TRABD2B: variants seen among roughly 807,000 people sequenced by gnomAD.
TRABD2B encodes the protein metalloprotease TIKI2.
Under a neutral mutation model 40.1 loss-of-function variants are expected in TRABD2B, and 14 were observed. The observed-to-expected ratio is 0.35, with a 90% CI of 0.23 to 0.55. TRABD2B has a LOEUF of 0.55. Ranked by LOEUF, TRABD2B falls within the 20% of genes least tolerant of loss-of-function variation. The probability of loss-of-function intolerance (pLI) is 0.90; values close to 1 mark genes in which losing one functional copy is unlikely to be tolerated. For synonymous variants in TRABD2B, 263 were observed against 277.0 expected (o/e 0.95, Z 0.50); for missense variants, 541 against 648.6 (o/e 0.83, Z 1.80).
At chr1:47,828,730 T>A (rs1645210114) in intron 2 of TRABD2B, among the ~76,000 whole-genome samples, 1 of 152,120 alleles carries the variant, frequency 6.6e-6, no homozygotes, top group Non-Finnish European at 1.5e-5. Flanking sequence ...TGGACTGAAT[T>A]TAACCCAATA....
intron 4 of TRABD2B, among the ~76,000 whole-genome samples, chr1:47,788,891 A>G (rs1264947921): frequency 6.6e-6 from 1 of 152,160 alleles, no homozygotes; most frequent in Non-Finnish European, 1.5e-5. Context: ...TCTAATTCCT[A>G]CATTACTCAT....
intron 2 of TRABD2B, among the ~76,000 whole-genome samples, chr1:47,806,879 A>G (rs1413178683): frequency 1.3e-5 from 2 of 152,184 alleles, no homozygotes; most frequent in Admixed American, 1.3e-4. Context: ...AAGAGGGTTT[A>G]GAGTCAGGGT....
In TRABD2B at chr1:47,761,246, C is replaced by G. The variant is rs968312511; in HGVS notation, c.*4656G>C. ...TCTCCGGAAAGGAAGAGCCCAGCTC[C>G]CACTTGGAGAAAGGGTGAGGATAGC... is the stretch of plus-strand genomic sequence containing the variant. On this transcript the variant is annotated 3_prime_UTR_variant, in exon 7 of 7. Coordinates refer to ENST00000606738, the MANE Select transcript of TRABD2B (RefSeq NM_001194986.2). The G allele has an allele frequency of 6.6e-6, 1 of 152,292 alleles. No individual in the cohort carries two copies. The highest frequency in any genetic ancestry group is 6.5e-5 in the Admixed American group (1 of 15,288). 9.4% of individuals were successfully genotyped at this position (152,292 alleles called of 1,614,324 possible).
rs1644072460 is a variant in TRABD2B at position 47,867,248 on chromosome 1, C to A, written c.667-65629G>T. Among the ~76,000 whole-genome samples the A allele has an allele frequency of 3.9e-5, 6 of 152,260 alleles. No homozygotes were observed. In the South Asian group the frequency reaches 8.3e-4, roughly 21 times the overall value. On this transcript the variant is annotated intron_variant, in intron 2 of 6. Coordinates refer to ENST00000606738, the MANE Select transcript of TRABD2B (RefSeq NM_001194986.2). ...AACATCCGGGCTTCCATATCTATAT[C>A]TTTTTCTACAAAGTGGGGAAAAAAA...
chr1:47,872,002 G>A (rs1019834488), intron 2 of TRABD2B, among the ~76,000 whole-genome samples: 9 of 152,186 alleles, frequency 5.9e-5, no homozygotes, highest in Non-Finnish European at 1.2e-4. Context: ...CATCTGCTCT[G>A]GGGAACAAGA....
chr1:47,841,901 A>G (rs1207239557), intron 2 of TRABD2B, among the ~76,000 whole-genome samples: 5 of 149,360 alleles, frequency 3.3e-5, no homozygotes, highest in African/African-American at 7.4e-5. Context: ...CTTCCTGAGT[A>G]GCTGGGATTA....
At chr1:47,890,753 A>G (rs1226576074) in intron 2 of TRABD2B, among the ~76,000 whole-genome samples, 1 of 152,214 alleles carries the variant, frequency 6.6e-6, no homozygotes, top group East Asian at 1.9e-4. Context: ...CGTTCATTCA[A>G]CAAATATTCA....
intron 2 of TRABD2B, among the ~76,000 whole-genome samples, chr1:47,965,752 C>CGA (rs1645593181): frequency 6.6e-6 from 1 of 152,146 alleles, no homozygotes; most frequent in Non-Finnish European, 1.5e-5. Context: ...TGTTGAGTCT[C>CGA]TTCTACTTCT....
At chr1:47,914,985 T>G (rs1015486806) in intron 2 of TRABD2B, among the ~76,000 whole-genome samples, 13 of 152,252 alleles carry the variant, frequency 8.5e-5, no homozygotes, top group African/African-American at 1.2e-4. Flanking sequence ...AAGACAGACA[T>G]GAAAGCAGCC....
intron 2 of TRABD2B, among the ~76,000 whole-genome samples, chr1:47,978,966 C>T (rs1212068886): frequency 6.6e-6 from 1 of 152,136 alleles, no homozygotes; most frequent in Non-Finnish European, 1.5e-5. Flanking sequence ...GCAGCTCCCA[C>T]CCACAGGGTG....
At chr1:47,780,787 G>A (rs1164392727) in intron 4 of TRABD2B, among the ~76,000 whole-genome samples, 2 of 152,220 alleles carry the variant, frequency 1.3e-5, no homozygotes, top group African/African-American at 2.4e-5. Flanking sequence ...AAGAGGCATG[G>A]GCAGCACAGG....
Position 47,761,212 on chromosome 1 carries a change from T to G in TRABD2B, c.*4690A>C, listed in dbSNP as rs1644240006. 1 of 152,346 alleles carries G rather than the reference T, an allele frequency of 6.6e-6. No homozygotes were observed. Among genetic ancestry groups the G allele is most frequent in the Non-Finnish European group, 1.5e-5 (1 of 68,152 alleles). The allele number at this position is 152,346 out of a possible 1,614,324, so 9.4% of individuals were successfully genotyped here. A position where few individuals can be genotyped will look rare whatever the true frequency, so the allele number is the denominator to read the frequency against. ...GGTCATCCAGCAAAGTGAAGGAGTA[T>G]CCAGAGTATCTCCGGAAAGGAAGAG... On this transcript the variant is annotated 3_prime_UTR_variant, in exon 7 of 7. Coordinates refer to ENST00000606738, the MANE Select transcript of TRABD2B (RefSeq NM_001194986.2).
At chr1:47,866,180 A>C (rs1644054602) in intron 2 of TRABD2B, among the ~76,000 whole-genome samples, 1 of 151,810 alleles carries the variant, frequency 6.6e-6, no homozygotes, top group African/African-American at 2.4e-5. Context: ...CAGCCTCGGC[A>C]TATAAAACAT....
chr1:47,773,673 G>A (rs1030182200), intron 6 of TRABD2B, among the ~76,000 whole-genome samples: 7 of 152,198 alleles, frequency 4.6e-5, no homozygotes, highest in Non-Finnish European at 1.0e-4. Flanking sequence ...GGCTTCCTCA[G>A]CCATGTGGAA....
chr1:47,860,473 C>A (rs139226660), intron 2 of TRABD2B, among the ~76,000 whole-genome samples: 184 of 152,242 alleles, frequency 1.2e-3, no homozygotes, highest in African/African-American at 4.2e-3. Context: ...CACAGACCAC[C>A]CAGGGGCTTG....
chr1:47,823,131 T>C (rs1425760317), intron 2 of TRABD2B, among the ~76,000 whole-genome samples: 1 of 152,204 alleles, frequency 6.6e-6, no homozygotes, highest in Non-Finnish European at 1.5e-5. Context: ...TGCTCATGCA[T>C]CCCCTGGGAC....
chr1:47,886,818 T>C (rs538457384), intron 2 of TRABD2B, among the ~76,000 whole-genome samples: 1 of 152,358 alleles, frequency 6.6e-6, no homozygotes, highest in East Asian at 1.9e-4. Context: ...AGTTTTTCTC[T>C]TGTACATCCA....
intron 2 of TRABD2B, among the ~76,000 whole-genome samples, chr1:47,948,498 G>A (rs947638620): frequency 1.3e-5 from 2 of 152,124 alleles, no homozygotes; most frequent in African/African-American, 2.4e-5. Flanking sequence ...GTTGAGGGTC[G>A]AGTACAGCCT....
chr1:47,992,890 A>C (rs951602591), intron 2 of TRABD2B, among the ~76,000 whole-genome samples: 1 of 152,240 alleles, frequency 6.6e-6, no homozygotes, highest in African/African-American at 2.4e-5. Context: ...CCCGCCTTTC[A>C]TTTGGCCGGC....
Sources: gnomAD v4.1 joint callset for allele counts (sites outside exome capture counted in the v4.1 genomes callset) on GRCh38, gnomAD v4.1.1 for gene constraint, MANE v1.5 for transcripts, NCBI Gene and HGNC (gene_info 2026-07-23, HGNC 2026-07-21) for gene names.